The following MYH2 variants were observed in gnomAD, a reference collection of about 807,000 sequenced individuals.
MYH2 encodes myosin heavy chain 2, also known as myosin-2.
In MYH2, 139 loss-of-function variants were observed where a neutral mutation model predicts 228.1. The observed-to-expected ratio is 0.61, with a 90% CI of 0.53 to 0.70. The LOEUF (loss-of-function observed/expected upper bound fraction) is 0.70, where lower values mean the gene tolerates loss of function less well. Among genes scored for constraint, MYH2 ranks in the 30% least tolerant of loss-of-function variants. The probability of loss-of-function intolerance (pLI) is 0.00; values close to 1 mark genes in which losing one functional copy is unlikely to be tolerated. For synonymous variants in MYH2, 796 were observed against 871.1 expected, an observed-to-expected ratio of 0.91 and a Z score of 1.52; for missense variants, 1,809 against 2,357.5, an observed-to-expected ratio of 0.77 and a Z score of 4.82.
At chr17:10,526,279 G>A (rs1202878783) in intron 30 of MYH2, among the ~76,000 whole-genome samples, 1 of 152,202 alleles carries the variant, frequency 6.6e-6, no homozygotes, top group Non-Finnish European at 1.5e-5. Flanking sequence ...TCTGTGGAGA[G>A]GGTATTTCAG....
chr17:10,533,239 A>T, intron 21 of MYH2, 46 bp downstream of exon 21: 1 of 1,612,038 alleles, frequency 6.2e-7, no homozygotes, highest in Non-Finnish European at 8.5e-7. Context: ...GCCATTTCAA[A>T]TATGTTTTTG....
chr17:10,542,801 A>T, intron 10 of MYH2, 74 bp downstream of exon 10: 2 of 962,670 alleles, frequency 2.1e-6, no homozygotes, highest in South Asian at 3.5e-5. Context: ...ATTCAGTCAT[A>T]GAATACTAGG....
chr17:10,531,105 G>C (rs2142302407), intron 22 of MYH2, among the ~76,000 whole-genome samples: 1 of 152,330 alleles, frequency 6.6e-6, no homozygotes, highest in East Asian at 1.9e-4. Context: ...ATGTGGGTGT[G>C]ACATGATGGG....
chr17:10,532,626 A>C (rs2073438215), intron 21 of MYH2, among the ~76,000 whole-genome samples: 1 of 152,238 alleles, frequency 6.6e-6, no homozygotes. Context: ...TTATTTATAT[A>C]TCTGCATACA....
intron 14 of MYH2, 92 bp downstream of exon 14, chr17:10,539,113 T>A: frequency 1.9e-6 from 3 of 1,605,446 alleles, no homozygotes; most frequent in South Asian, 1.1e-5. Context: ...TCTACAGTGG[T>A]AAGAAAAGGT....
Position 10,529,347 on chromosome 17 carries a change from T to G in MYH2, c.3252A>C (p.Glu1084Asp). Residue 1084 changes from glutamate (E) to aspartate (D), a missense_variant, in exon 25 of 40, where the codon GAA becomes GAC. This residue lies in a region of MYH2 where 636 missense variants were observed against 729.9 expected (regional missense o/e 0.87). Coordinates refer to ENST00000245503, the MANE Select transcript of MYH2 (RefSeq NM_017534.6). ...TCTTTCTTACTTACTTTTTGAGCTT[T>G]TCATCAAGTTGCTGTTTCTCATTTT... ...DIENEKQQLD[E>D]KLKKKEFEIS... 1 of 1,613,990 alleles carries G rather than the reference T, an allele frequency of 6.2e-7. No individual in the cohort carries two copies. Among genetic ancestry groups the G allele is most frequent in the Middle Eastern group, 1.6e-4 (1 of 6,062 alleles).
In MYH2 at chr17:10,533,265, A is replaced by G. The variant is rs1290983653; in HGVS notation, c.2441+20T>C. ...TATGTTTTTGAAGATGGAATATGTG[A>G]ATAAACATATTTTTTATACCTTCTC... is the stretch of plus-strand genomic sequence containing the variant. On this transcript the variant is annotated intron_variant, in intron 21 of 39. Coordinates refer to ENST00000245503, the MANE Select transcript of MYH2 (RefSeq NM_017534.6). 6.2e-7 allele frequency: 1 copy of G among 1,613,668 alleles called. No individual in the cohort carries two copies. Among genetic ancestry groups the G allele is most frequent in the Non-Finnish European group, 8.5e-7 (1 of 1,179,808 alleles).
chr17:10,524,926 T>G lies in MYH2; in HGVS notation c.4802A>C (p.Glu1601Ala), dbSNP rs1403653376. Residue 1601 changes from glutamate (E) to alanine (A), a missense_variant, in exon 34 of 40, where the codon GAG (glutamate) becomes GCG (alanine). By Grantham distance (107) the Glu-to-Ala change is moderately radical. Transcript: ENST00000245503. This position sits in a 1 kb window ranked among gnomAD's most constrained non-coding sequence, Gnocchi z 4.7. ...QLKRNHIRIV[E>A]SMQSTLDAEI... ...AGCATCCAGCGTGCTCTGCATGGAC[T>G]CCACGATTCTAATGTGGTTTCTCTT... 6.2e-7 allele frequency: 1 copy of G among 1,614,154 alleles called. No individual in the cohort carries two copies. Among genetic ancestry groups the G allele is most frequent in the Admixed American group, 1.7e-5 (1 of 60,018 alleles).
intron 22 of MYH2, 69 bp downstream of exon 22, chr17:10,531,564 G>A: frequency 6.2e-7 from 1 of 1,606,204 alleles, no homozygotes; most frequent in Non-Finnish European, 8.5e-7. Context: ...CCAACTCATG[G>A]CCCACAATGG....
At position 10,544,127 on chromosome 17, in the gene MYH2, T is replaced by C; in HGVS notation, c.506A>G (p.Asp169Gly). 1 of 1,613,636 alleles carries C rather than the reference T, an allele frequency of 6.2e-7. No individual in the cohort carries two copies. Among genetic ancestry groups the C allele is most frequent in the Non-Finnish European group, 8.5e-7 (1 of 1,179,534 alleles). ...SDNAYQFMLT[D>G]RENQSILITG... ...GATCAGGATTGACTGATTCTCTCGG[T>C]CTACAAAAGAAATTATAGACATTTA... Residue 169 changes from aspartate (D) to glycine (G), a missense_variant and splice_region_variant, in exon 6 of 40, where the codon GAC becomes GGC. Physicochemically the swap from Asp to Gly is moderately conservative, Grantham distance 94 (BLOSUM62 -1). Transcript: ENST00000245503.
intron 11 of MYH2, among the ~76,000 whole-genome samples, 190 bp from the exon 12 acceptor site, chr17:10,540,256 C>T (rs1180968906): frequency 6.6e-6 from 1 of 151,806 alleles, no homozygotes; most frequent in East Asian, 1.9e-4. Context: ...AGGTGCATAC[C>T]CTCTGAAGAT....
In MYH2 at chr17:10,537,309, G is replaced by A. The variant is rs367835082; in HGVS notation, c.1821C>T (p.Thr607=). The change falls in exon 16 of 40, where the codon ACC becomes ACT. Residue 607 remains threonine (T), a synonymous_variant. Coordinates refer to ENST00000245503, the MANE Select transcript of MYH2 (RefSeq NM_017534.6). The surrounding 1 kb of genome is among the most constrained non-coding windows in gnomAD (Gnocchi z 4.0). The part of the protein sequence containing the change: ...LEKNKDPLNE[T]VVGLYQKSAM... Reference sequence around the variant, plus strand: ...CAGACTTCTGGTACAGTCCAACCACGGTCTCATTCAGGGGGTCCTTGTTCT... The same window carrying A: ...CAGACTTCTGGTACAGTCCAACCACAGTCTCATTCAGGGGGTCCTTGTTCT... 2.1e-5 allele frequency: 34 copies of A among 1,614,084 alleles called. 1 individual carries two copies. Among genetic ancestry groups the A allele is most frequent in the Non-Finnish European group, 2.5e-5 (30 of 1,180,048 alleles).
intron 19 of MYH2, among the ~76,000 whole-genome samples, 188 bp from the exon 20 acceptor site, chr17:10,533,820 G>A (rs572707623): frequency 1.3e-5 from 2 of 152,004 alleles, no homozygotes; most frequent in South Asian, 2.1e-4. Context: ...CCTTTCCCTC[G>A]CAGTTGCAAC....
intron 10 of MYH2, 101 bp downstream of exon 10, chr17:10,542,773 GC>G: frequency 1.5e-6 from 1 of 672,762 alleles, no homozygotes; most frequent in Non-Finnish European, 2.5e-6. Flanking sequence ...AAATAAAAAG[GC>G]ACATAAACTT....
chr17:10,545,569 T>A, intron 4 of MYH2, 67 bp from the exon 5 acceptor site: 1 of 1,595,818 alleles, frequency 6.3e-7, no homozygotes, highest in South Asian at 1.1e-5. Flanking sequence ...AACTTATTAA[T>A]TGAATGTTTT....
In MYH2 at chr17:10,521,877, T is replaced by A. The variant is rs143103564; in HGVS notation, c.5674-445A>T. ...TCATTTTGGCACATTTCAAAATGGT[T>A]ACTTTTTTCCTCCTGCATTGGATGT... On this transcript the variant is annotated intron_variant, in intron 39 of 39. Transcript: ENST00000245503. Among the ~76,000 whole-genome samples, 354 of 152,304 alleles carry A rather than the reference T, an allele frequency of 2.3e-3. 2 individuals carry two copies. The highest frequency in any genetic ancestry group is 4.3e-3 in the African/African-American group (180 of 41,576).
In MYH2 at chr17:10,526,982, G is replaced by C. The variant is rs554431336; in HGVS notation, c.3946C>G (p.Gln1316Glu). The change falls in exon 29 of 40, where the codon CAA becomes GAA. Residue 1316 changes from glutamine (Q) to glutamate (E), a missense_variant. By Grantham distance (29) the Gln-to-Glu change is conservative. Around this residue, in one of 9 missense-constraint regions of MYH2, gnomAD observed 636 missense variants for 729.9 expected, o/e 0.87. Transcript: ENST00000245503. ...QLSRGKQAFTQQIEELKRQLE... is the reference protein window; with the variant it reads ...QLSRGKQAFTEQIEELKRQLE... ...TGCCTCTTTAATTCTTCAATCTGTT[G>C]AGTAAAGGCTTGTTTGCCTCTTGAT... 6.2e-7 allele frequency: 1 copy of C among 1,614,146 alleles called. No homozygotes were observed. Among genetic ancestry groups the C allele is most frequent in the Non-Finnish European group, 8.5e-7 (1 of 1,180,028 alleles).
rs766103950 is a variant in MYH2, at chr17:10,529,820, T to C, written c.2940+12A>G. 2 of 1,614,038 alleles carry C rather than the reference T, an allele frequency of 1.2e-6. No individual in the cohort carries two copies. The highest frequency in any genetic ancestry group is 2.2e-5 in the East Asian group (1 of 44,880). On this transcript the variant is annotated intron_variant, in intron 23 of 39. Coordinates refer to ENST00000245503, the MANE Select transcript of MYH2 (RefSeq NM_017534.6). ...AGAACCTCTATACAGTACTGTAGAA[T>C]ATGATTGATACCTTGTTTTCTGTGG...
At chr17:10,530,847 G>C (rs2073415938) in intron 22 of MYH2, among the ~76,000 whole-genome samples, 1 of 152,262 alleles carries the variant, frequency 6.6e-6, no homozygotes, top group South Asian at 2.1e-4. Context: ...TTTTCCTTCT[G>C]TAATCTAGAA....
Sources: allele counts gnomAD v4.1 joint callset (sites outside exome capture counted in the v4.1 genomes callset), GRCh38; gene constraint gnomAD v4.1.1; regional missense constraint gnomAD v4.1.1; non-coding constraint Gnocchi (gnomAD v3.1); transcripts MANE v1.5; gene names NCBI Gene and HGNC (gene_info 2026-07-23, HGNC 2026-07-21).